Variants in PCDHGA9 observed in about 807,000 individuals in gnomAD.
PCDHGA9 encodes protocadherin gamma-A9.
In PCDHGA9, 37 loss-of-function variants were observed where a neutral mutation model predicts 62.5. The observed-to-expected ratio is 0.59, with a 90% CI of 0.46 to 0.78. The LOEUF (loss-of-function observed/expected upper bound fraction) is 0.78. PCDHGA9 is among the 30% of genes least tolerant of loss of function. The pLI, the probability that PCDHGA9 is intolerant of heterozygous loss-of-function variation, is 0.00. For missense variants in PCDHGA9, 1,138 were observed against 1,166.2 expected (o/e 0.98, Z 0.35); for synonymous variants, 459 against 484.6 (o/e 0.95, Z 0.69).
intron 1 of PCDHGA9, chr5:141,413,452 AGGATAGACC>A (rs2095643065): frequency 6.2e-7 from 1 of 1,614,124 alleles, no homozygotes; most frequent in Admixed American, 1.7e-5. Context: ...CACCGCGGGC[AGGATAGACC>A]GGGAGGAGCT....
chr5:141,422,959 C>T, intron 1 of PCDHGA9: 5 of 1,614,234 alleles, frequency 3.1e-6, no homozygotes, highest in African/African-American at 1.3e-5. Flanking sequence ...TGGCGTGGAG[C>T]TGGCGCCCCG....
intron 1 of PCDHGA9, among the ~76,000 whole-genome samples, chr5:141,461,100 T>C (rs926482549): frequency 1.1e-4 from 16 of 152,062 alleles, no homozygotes; most frequent in African/African-American, 3.6e-4. Context: ...TATAAACATA[T>C]GTGTCCAAGT....
At chr5:141,419,775 G>C in intron 1 of PCDHGA9, 1 of 1,614,016 alleles carries the variant, frequency 6.2e-7, no homozygotes, top group Non-Finnish European at 8.5e-7. Flanking sequence ...GACTCGGTCC[G>C]CCAGCGCCTG....
intron 1 of PCDHGA9, chr5:141,413,266 GGA>G: frequency 6.2e-7 from 1 of 1,613,962 alleles, no homozygotes; most frequent in South Asian, 1.1e-5. Context: ...ATGGGAGGCT[GGA>G]GCCCGGCAGA....
chr5:141,475,935 C>CCCGT, intron 1 of PCDHGA9: 1 of 669,050 alleles, frequency 1.5e-6, no homozygotes, highest in Middle Eastern at 4.2e-4. Flanking sequence ...CGGGCCCCTG[C>CCCGT]CCGTCCCCTT....
At chr5:141,416,620 G>T (rs1395913352) in intron 1 of PCDHGA9, 1 of 152,142 alleles carries the variant, frequency 6.6e-6, no homozygotes, top group Non-Finnish European at 1.5e-5. Flanking sequence ...CATTTCTGCA[G>T]ATCAGAATAT....
At chr5:141,406,682 ATTC>A (rs1390945950) in intron 1 of PCDHGA9, among the ~76,000 whole-genome samples, 1 of 152,216 alleles carries the variant, frequency 6.6e-6, no homozygotes, top group Non-Finnish European at 1.5e-5. Flanking sequence ...ATAGTAGGAC[ATTC>A]TTCTTTTCTA....
chr5:141,426,559 C>T (rs1401963895), intron 1 of PCDHGA9: 1 of 353,038 alleles, frequency 2.8e-6, no homozygotes, highest in Non-Finnish European at 5.6e-6. Context: ...CAGAATAGAT[C>T]GAGAGTCACT....
intron 1 of PCDHGA9, chr5:141,418,454 A>G (rs1211470387): frequency 3.1e-6 from 5 of 1,613,774 alleles, no homozygotes; most frequent in Non-Finnish European, 3.4e-6. Flanking sequence ...ATTGCAGAAG[A>G]CTCTGGACCG....
At chr5:141,454,796 A>ATTTTTTTTTTTTTTTTTTTTTTTT (rs61612330) in intron 1 of PCDHGA9, among the ~76,000 whole-genome samples, 4 of 77,456 alleles carry the variant, frequency 5.2e-5, no homozygotes, top group Non-Finnish European at 9.3e-5. Flanking sequence ...CATGGTTCTA[A>ATTTTTTTTTTTTTTTTTTTTTTTT]TTTTTTTTTT....
chr5:141,488,815 T>A (rs769851687), intron 1 of PCDHGA9, among the ~76,000 whole-genome samples: 30 of 152,144 alleles, frequency 2.0e-4, no homozygotes, highest in Non-Finnish European at 4.1e-4. Context: ...ATCTGAGCTG[T>A]CAAACTTTGC....
At position 141,432,065 on chromosome 5, in the gene PCDHGA9, AC is replaced by A; in HGVS notation, c.2424+26690del. 1.2e-6 allele frequency: 2 copies of A among 1,614,048 alleles called. No homozygotes were observed. The highest frequency in any genetic ancestry group is 1.7e-6 in the Non-Finnish European group (2 of 1,180,006). On this transcript the variant is annotated intron_variant, in intron 1 of 3. Transcript: ENST00000573521. The surrounding 1 kb of genome is among the most constrained non-coding windows in gnomAD (Gnocchi z 6.0). ...GGGAACCCCGCCCCTATCCACGGAA[AC>A]TCATATCTCGCTGAACGTGGCAGAC...
At chr5:141,407,958 A>C (rs1018466165) in intron 1 of PCDHGA9, 1 of 660,632 alleles carries the variant, frequency 1.5e-6, no homozygotes, top group African/African-American at 1.8e-5. Context: ...GCCAGTGCAG[A>C]GCAAGCGCTG....
chr5:141,434,820 G>A (rs953824837), intron 1 of PCDHGA9, among the ~76,000 whole-genome samples: 1 of 151,302 alleles, frequency 6.6e-6, no homozygotes, highest in Admixed American at 6.6e-5. Flanking sequence ...ATATCCCTTA[G>A]TACACTTGGC....
At chr5:141,499,212 G>A (rs904920940) in intron 2 of PCDHGA9, among the ~76,000 whole-genome samples, 1 of 151,898 alleles carries the variant, frequency 6.6e-6, no homozygotes, top group African/African-American at 2.4e-5. Context: ...TGTAACCCAG[G>A]CCCTGCCCTG....
At chr5:141,420,259 G>A (rs775335307) in intron 1 of PCDHGA9, 8 of 1,564,678 alleles carry the variant, frequency 5.1e-6, no homozygotes, top group Non-Finnish European at 6.9e-6. Context: ...AAGCAGATAA[G>A]AAGATTCTTA....
chr5:141,487,596 A>T lies in PCDHGA9; in HGVS notation c.2425-7211A>T. The stretch of plus-strand genomic sequence containing the variant: ...GTTCGCCCAAGCTGCCCACCCTCTG[A>T]TCTTCTCTATGGGCTAGAGGTGAGA... On this transcript the variant is annotated intron_variant, in intron 1 of 3. Transcript: ENST00000573521. The surrounding 1 kb of genome is among the most constrained non-coding windows in gnomAD (Gnocchi z 5.0). The T allele has an allele frequency of 1.2e-6, 2 of 1,614,108 alleles. No individual in the cohort carries two copies. Among genetic ancestry groups the T allele is most frequent in the Non-Finnish European group, 8.5e-7 (1 of 1,180,024 alleles).
intron 1 of PCDHGA9, chr5:141,422,633 G>C: frequency 6.2e-7 from 1 of 1,613,120 alleles, no homozygotes; most frequent in Non-Finnish European, 8.5e-7. Context: ...AACCCCAGGG[G>C]TGCCTCCATC....
In PCDHGA9 at chr5:141,490,453, T is replaced by C; in HGVS notation, c.2425-4354T>C. 6.2e-7 allele frequency: 1 copy of C among 1,614,178 alleles called. No homozygotes were observed. Among genetic ancestry groups the C allele is most frequent in the Non-Finnish European group, 8.5e-7 (1 of 1,180,042 alleles). ...GATTAAGCCTTCTGAGAACCACTAC[T>C]CGCTGCTAACCAGCCAGCCTTTGGA... On this transcript the variant is annotated intron_variant, in intron 1 of 3. Coordinates refer to ENST00000573521, the MANE Select transcript of PCDHGA9 (RefSeq NM_018921.3). This position sits in a 1 kb window ranked among gnomAD's most constrained non-coding sequence, Gnocchi z 5.4.
Sources: gnomAD v4.1 joint callset for allele counts (sites outside exome capture counted in the v4.1 genomes callset) on GRCh38, gnomAD v4.1.1 for gene constraint, Gnocchi (gnomAD v3.1) non-coding constraint, MANE v1.5 for transcripts, NCBI Gene and HGNC (gene_info 2026-07-23, HGNC 2026-07-21) for gene names.